SVOPL: variants seen among roughly 807,000 people sequenced by gnomAD.
SVOPL encodes SVOP like.
SVOPL carries 60 observed loss-of-function variants against 61.0 expected under a neutral mutation model. The ratio of observed to expected loss-of-function variants is 0.98; its 90% CI spans 0.80 to 1.22. The LOEUF (loss-of-function observed/expected upper bound fraction) is 1.22. Among genes scored for constraint, SVOPL ranks in the 50% most tolerant of loss-of-function variants. The pLI is 0.00. For synonymous variants in SVOPL, 279 were observed against 250.0 expected, an observed-to-expected ratio of 1.12 and a Z score of -1.09; for missense variants, 662 against 643.9, an observed-to-expected ratio of 1.03 and a Z score of -0.30.
intron 3 of SVOPL, among the ~76,000 whole-genome samples, chr7:138,673,406 G>T (rs1277269347): frequency 6.6e-6 from 1 of 152,138 alleles, no homozygotes; most frequent in African/African-American, 2.4e-5. Context: ...TCTGTAATCT[G>T]AGCACTTTGG....
At position 138,607,330 on chromosome 7, in the gene SVOPL, A is replaced by T. The variant is rs557075243; in HGVS notation, c.1354-10800T>A. Among the ~76,000 whole-genome samples the T allele has an allele frequency of 9.2e-5, 14 of 152,300 alleles. No individual in the cohort carries two copies. The South Asian group carries it at 2.7e-3, about 29-fold the overall frequency. On this transcript the variant is annotated intron_variant, in intron 14 of 15. Coordinates refer to ENST00000674285, the MANE Select transcript of SVOPL (RefSeq NM_001139456.2). ...TGATACCATCTCAATGGAGAGTGAA[A>T]TAAGAAACTATAAGGGTCTAATATT...
intron 14 of SVOPL, 119 bp from the exon 15 acceptor site, chr7:138,596,649 C>T: frequency 7.0e-7 from 1 of 1,429,638 alleles, no homozygotes; most frequent in Non-Finnish European, 9.2e-7. Flanking sequence ...AGCCATTCTA[C>T]AGGTTGTACC....
chr7:138,619,242 T>C (rs1584788501), intron 14 of SVOPL, among the ~76,000 whole-genome samples: 1 of 151,970 alleles, frequency 6.6e-6, no homozygotes, highest in East Asian at 1.9e-4. Context: ...ACTCCATCTC[T>C]AAAAATAAAT....
At chr7:138,624,894 A>G (rs1659812) in intron 13 of SVOPL, among the ~76,000 whole-genome samples, 46,442 of 151,652 alleles carry the variant, frequency 0.31, 7,588 homozygotes, top group East Asian at 0.6. Context: ...TGGAGATGGC[A>G]TTTTGGTTTC....
At chr7:138,661,908 C>T (rs1033318819) in intron 5 of SVOPL, 6 of 985,294 alleles carry the variant, frequency 6.1e-6, no homozygotes, top group Non-Finnish European at 7.2e-6. Context: ...TCTGGCATAG[C>T]TGGCAAGGTT....
chr7:138,663,603 A>AT (rs2117088142), intron 4 of SVOPL: 2 of 989,316 alleles, frequency 2.0e-6, no homozygotes, highest in South Asian at 9.3e-5. Context: ...CAGAACATTC[A>AT]TAAGTCCTAA....
intron 7 of SVOPL, among the ~76,000 whole-genome samples, 158 bp downstream of exon 7, chr7:138,656,290 C>G (rs951957783): frequency 9.2e-5 from 14 of 152,332 alleles, no homozygotes; most frequent in African/African-American, 3.4e-4. Flanking sequence ...CATTTACATG[C>G]ACTGAGAAAC....
intron 5 of SVOPL, chr7:138,660,542 A>G: frequency 1.0e-6 from 1 of 986,008 alleles, no homozygotes; most frequent in Non-Finnish European, 1.2e-6. Flanking sequence ...TCCAGTGGAA[A>G]GATGTACTTT....
intron 14 of SVOPL, among the ~76,000 whole-genome samples, chr7:138,620,354 C>G (rs1367975054): frequency 6.8e-6 from 1 of 147,162 alleles, no homozygotes; most frequent in East Asian, 2.0e-4. Context: ...CTCCTTACCT[C>G]AGGTGATCCA....
chr7:138,617,772 G>A (rs981487109), intron 14 of SVOPL, among the ~76,000 whole-genome samples: 5 of 152,088 alleles, frequency 3.3e-5, no homozygotes, highest in Admixed American at 1.3e-4. Flanking sequence ...GGAAGTTGAG[G>A]CTGTAGTGAG....
intron 14 of SVOPL, chr7:138,597,035 T>G: frequency 8.7e-7 from 1 of 1,155,842 alleles, no homozygotes; most frequent in Non-Finnish European, 1.1e-6. Context: ...TATGGAGTTG[T>G]GTGACACCAA....
intron 12 of SVOPL, among the ~76,000 whole-genome samples, 188 bp downstream of exon 12, chr7:138,627,162 T>A (rs1336686356): frequency 6.6e-6 from 1 of 152,118 alleles, no homozygotes; most frequent in Non-Finnish European, 1.5e-5. Context: ...TGGAGGAAGA[T>A]GGGGTCTGTA....
At chr7:138,678,608 C>G in intron 2 of SVOPL, 83 bp from the exon 3 acceptor site, 1 of 1,372,694 alleles carries the variant, frequency 7.3e-7, no homozygotes, top group Non-Finnish European at 1.0e-6. Flanking sequence ...AAAGCCAACC[C>G]ATTATTATAA....
chr7:138,662,048 G>C (rs1304001484), intron 5 of SVOPL: 1 of 985,428 alleles, frequency 1.0e-6, no homozygotes, highest in Non-Finnish European at 1.2e-6. Flanking sequence ...TCTGAATCTG[G>C]CCCTCCTTTC....
chr7:138,597,171 T>TA lies in SVOPL; in HGVS notation c.1354-642_1354-641insT, dbSNP rs540941456. 2.7e-3 allele frequency: 3,436 copies of TA among 1,288,520 alleles called. 3 individuals are homozygous for TA. Among genetic ancestry groups the TA allele is most frequent in the Non-Finnish European group, 3.4e-3 (3,352 of 988,308 alleles). The allele number at this position is 1,288,520 out of a possible 1,614,324, so 79.8% of individuals were successfully genotyped here. On this transcript the variant is annotated intron_variant, in intron 14 of 15. Transcript: ENST00000674285. ...CTCCATCTCATACTTTAGTTTCTCTTGGTCTGTGTTCTTGATAGTTCTCCA... is the reference window on the plus strand; with the variant it reads ...CTCCATCTCATACTTTAGTTTCTCTTAGGTCTGTGTTCTTGATAGTTCTCCA...
intron 4 of SVOPL, among the ~76,000 whole-genome samples, chr7:138,668,358 G>T (rs887743719): frequency 6.6e-6 from 1 of 152,054 alleles, no homozygotes; most frequent in Non-Finnish European, 1.5e-5. Flanking sequence ...CTTCTCTATT[G>T]CAATTCCCCT....
chr7:138,688,419 A>G (rs1802868740), intron 1 of SVOPL, among the ~76,000 whole-genome samples: 1 of 151,934 alleles, frequency 6.6e-6, no homozygotes, highest in Non-Finnish European at 1.5e-5. Flanking sequence ...ACAGGCATGC[A>G]CCACCACACT....
chr7:138,597,344 G>T, intron 14 of SVOPL: 1 of 666,960 alleles, frequency 1.5e-6, no homozygotes, highest in Non-Finnish European at 2.1e-6. Flanking sequence ...CCTAGACTAA[G>T]TGACTAGTCT....
chr7:138,670,343 C>T (rs1167151118), intron 4 of SVOPL, among the ~76,000 whole-genome samples: 2 of 152,166 alleles, frequency 1.3e-5, no homozygotes, highest in African/African-American at 4.8e-5. Context: ...AGCCACTTTC[C>T]AGCCTTTGTT....
Sources: gnomAD v4.1 joint callset for allele counts (sites outside exome capture counted in the v4.1 genomes callset) on GRCh38, gnomAD v4.1.1 for gene constraint, MANE v1.5 for transcripts, NCBI Gene and HGNC (gene_info 2026-07-23, HGNC 2026-07-21) for gene names.